RSRC1: variants seen among roughly 807,000 people sequenced by gnomAD.
The protein encoded by RSRC1 is serine/Arginine-related protein 53.
Under a neutral mutation model 49.1 loss-of-function variants are expected in RSRC1, and 39 were observed. The observed-to-expected ratio is 0.79, with a 90% CI of 0.61 to 1.04. The LOEUF is 1.04. Ranked by LOEUF, RSRC1 falls within the 50% of genes least tolerant of loss-of-function variation. The probability of loss-of-function intolerance (pLI) is 0.00; values close to 1 mark genes in which losing one functional copy is unlikely to be tolerated. For synonymous variants in RSRC1, 143 were observed against 130.8 expected (o/e 1.09, Z -0.63); for missense variants, 388 against 402.4 (o/e 0.96, Z 0.31).
At chr3:158,315,886 A>T (rs1283570988) in intron 5 of RSRC1, among the ~76,000 whole-genome samples, 1 of 152,158 alleles carries the variant, frequency 6.6e-6, no homozygotes, top group East Asian at 1.9e-4. Context: ...AAATGCTGAA[A>T]ATAGGCCAGG....
intron 1 of RSRC1, among the ~76,000 whole-genome samples, chr3:158,110,846 A>G (rs1174982099): frequency 6.6e-6 from 1 of 152,232 alleles, no homozygotes; most frequent in East Asian, 1.9e-4. Context: ...CCAAGAGCAT[A>G]TGGCTCTGTT....
intron 5 of RSRC1, among the ~76,000 whole-genome samples, chr3:158,318,226 T>TTC (rs1728576914): frequency 6.6e-6 from 1 of 152,012 alleles, no homozygotes; most frequent in South Asian, 2.1e-4. Flanking sequence ...TAGAAAGATG[T>TTC]TCTCCATTAA....
At chr3:158,357,663 TA>T (rs1560008896) in intron 6 of RSRC1, among the ~76,000 whole-genome samples, 2 of 151,912 alleles carry the variant, frequency 1.3e-5, no homozygotes, top group African/African-American at 4.8e-5. Flanking sequence ...AGCAAATAAA[TA>T]AGAAGAACTT....
At chr3:158,328,593 G>A (rs549118131) in intron 5 of RSRC1, among the ~76,000 whole-genome samples, 186 of 152,236 alleles carry the variant, frequency 1.2e-3, no homozygotes, top group African/African-American at 3.4e-3. Context: ...AGTTTCTGCC[G>A]AGAGATCAGC....
intron 5 of RSRC1, among the ~76,000 whole-genome samples, chr3:158,353,016 T>C (rs1244659182): frequency 8.5e-5 from 13 of 152,242 alleles, no homozygotes; most frequent in Admixed American, 8.5e-4. Context: ...CGTGCTTACA[T>C]ACATTTTCCC....
chr3:158,234,538 T>C (rs933540094), intron 4 of RSRC1, among the ~76,000 whole-genome samples: 1 of 152,174 alleles, frequency 6.6e-6, no homozygotes, highest in Non-Finnish European at 1.5e-5. Context: ...AATGAGACTT[T>C]ATTGGAACTT....
At chr3:158,251,088 C>T (rs144506298) in intron 4 of RSRC1, among the ~76,000 whole-genome samples, 3 of 152,082 alleles carry the variant, frequency 2.0e-5, no homozygotes, top group African/African-American at 4.8e-5. Flanking sequence ...GTCCTTTCTC[C>T]AGTCTATGTT....
At chr3:158,478,948 C>A (rs60403804) in intron 7 of RSRC1, among the ~76,000 whole-genome samples, 2,958 of 111,222 alleles carry the variant, frequency 0.027, 76 homozygotes, top group African/African-American at 0.067. Context: ...GGAGAAAAAG[C>A]AAAAAAAAAA....
chr3:158,295,973 C>G (rs1179508962), intron 4 of RSRC1, among the ~76,000 whole-genome samples: 1 of 152,020 alleles, frequency 6.6e-6, no homozygotes, highest in African/African-American at 2.4e-5. Context: ...TTCAGAATTA[C>G]TAACGTGTAT....
At chr3:158,453,072 T>C (rs1470749673) in intron 6 of RSRC1, among the ~76,000 whole-genome samples, 1 of 152,192 alleles carries the variant, frequency 6.6e-6, no homozygotes, top group Non-Finnish European at 1.5e-5. Flanking sequence ...TTAATATATA[T>C]CAGGCCATCT....
intron 4 of RSRC1, among the ~76,000 whole-genome samples, chr3:158,280,233 G>A (rs1006815076): frequency 6.6e-6 from 1 of 152,064 alleles, no homozygotes; most frequent in Non-Finnish European, 1.5e-5. Context: ...CAAGAAGAAG[G>A]CTGTAGCGAG....
chr3:158,240,360 T>G (rs1367433582), intron 4 of RSRC1, among the ~76,000 whole-genome samples: 3 of 152,146 alleles, frequency 2.0e-5, no homozygotes, highest in Admixed American at 2.0e-4. Flanking sequence ...TATTTCATAT[T>G]TATCAAAGAT....
chr3:158,245,375 C>T (rs545161062), intron 4 of RSRC1, among the ~76,000 whole-genome samples: 9 of 152,126 alleles, frequency 5.9e-5, no homozygotes, highest in East Asian at 3.9e-4. Context: ...GATTTTGCTG[C>T]GGTCTGAGAG....
chr3:158,385,339 A>T (rs28608522), intron 6 of RSRC1, among the ~76,000 whole-genome samples: 6 of 152,060 alleles, frequency 3.9e-5, no homozygotes, highest in African/African-American at 1.5e-4. Flanking sequence ...TTCATCTATT[A>T]TATTTAAAAT....
At chr3:158,245,678 CCTTA>C (rs1347908129) in intron 4 of RSRC1, among the ~76,000 whole-genome samples, 16 of 152,094 alleles carry the variant, frequency 1.1e-4, no homozygotes, top group African/African-American at 3.9e-4. Flanking sequence ...ATCTCTGACC[CCTTA>C]CTTTATGAAT....
At chr3:158,254,341 A>G (rs1158113355) in intron 4 of RSRC1, among the ~76,000 whole-genome samples, 1 of 152,220 alleles carries the variant, frequency 6.6e-6, no homozygotes, top group African/African-American at 2.4e-5. Flanking sequence ...GAAATGACAC[A>G]CTGTCTTCCA....
chr3:158,329,931 C>T (rs1055962270), intron 5 of RSRC1, among the ~76,000 whole-genome samples: 4 of 152,298 alleles, frequency 2.6e-5, no homozygotes, highest in Admixed American at 6.5e-5. Flanking sequence ...GCCTCAGCAG[C>T]GGTGGGCACC....
At chr3:158,324,746 C>G (rs1728978532) in intron 5 of RSRC1, among the ~76,000 whole-genome samples, 1 of 152,024 alleles carries the variant, frequency 6.6e-6, no homozygotes, top group Admixed American at 6.6e-5. Flanking sequence ...GGGTATATAC[C>G]CAGTAATGAG....
chr3:158,314,794 T>A (rs1204068738), intron 5 of RSRC1, among the ~76,000 whole-genome samples: 1 of 152,212 alleles, frequency 6.6e-6, no homozygotes, highest in Non-Finnish European at 1.5e-5. Flanking sequence ...TATATTTTAG[T>A]CATATATGAG....
Sources: allele counts gnomAD v4.1 joint callset (sites outside exome capture counted in the v4.1 genomes callset), GRCh38; gene constraint gnomAD v4.1.1; transcripts MANE v1.5; gene names NCBI Gene and HGNC (gene_info 2026-07-23, HGNC 2026-07-21).